PLA2G4A: variants seen among roughly 807,000 people sequenced by gnomAD.
PLA2G4A encodes the protein cytosolic phospholipase A2.
In PLA2G4A, 40 loss-of-function variants were observed where a neutral mutation model predicts 81.9. That is an observed-to-expected ratio of 0.49 (90% CI 0.38 to 0.64). The LOEUF (loss-of-function observed/expected upper bound fraction) is 0.64, where lower values mean the gene tolerates loss of function less well. PLA2G4A is among the 30% of genes least tolerant of loss of function. The probability of loss-of-function intolerance (pLI) is 0.00; values close to 1 mark genes in which losing one functional copy is unlikely to be tolerated. For missense variants in PLA2G4A, 715 were observed against 905.1 expected (o/e 0.79, Z 2.69); for synonymous variants, 302 against 296.9 (o/e 1.02, Z -0.18).
At chr1:186,872,684 T>C (rs1427603560) in intron 3 of PLA2G4A, among the ~76,000 whole-genome samples, 6 of 152,050 alleles carry the variant, frequency 3.9e-5, no homozygotes, top group Middle Eastern at 3.2e-3. Context: ...ACTTTGGCAA[T>C]GGTTATTTAT....
chr1:186,851,002 G>A (rs1372395884), intron 1 of PLA2G4A, among the ~76,000 whole-genome samples: 2 of 151,882 alleles, frequency 1.3e-5, no homozygotes, highest in Non-Finnish European at 2.9e-5. Context: ...TATCTTAAAA[G>A]CAAATCATAT....
chr1:186,942,895 T>C (rs994873685), intron 10 of PLA2G4A, among the ~76,000 whole-genome samples: 6 of 152,166 alleles, frequency 3.9e-5, no homozygotes, highest in Non-Finnish European at 8.8e-5. Context: ...TTGAGCTGTG[T>C]CTTCCAACAG....
At chr1:186,968,400 A>ATGTGTGTGTGTG (rs58475951) in intron 15 of PLA2G4A, among the ~76,000 whole-genome samples, 37,416 of 137,194 alleles carry the variant, frequency 0.27, 5,489 homozygotes, top group Middle Eastern at 0.36. Context: ...CGCGGTGTGT[A>ATGTGTGTGTGTG]TGTGTGTGTG....
At chr1:186,936,113 G>A (rs1655933840) in intron 8 of PLA2G4A, among the ~76,000 whole-genome samples, 1 of 151,878 alleles carries the variant, frequency 6.6e-6, no homozygotes, top group African/African-American at 2.4e-5. Flanking sequence ...GCTATTGGAT[G>A]TTGACTGCCA....
intron 6 of PLA2G4A, among the ~76,000 whole-genome samples, chr1:186,910,667 A>G (rs1216189849): frequency 1.3e-5 from 2 of 152,180 alleles, no homozygotes; most frequent in African/African-American, 4.8e-5. Context: ...TAAAGTATAT[A>G]TAATTTAAGG....
At chr1:186,895,504 T>C (rs1432365099) in intron 5 of PLA2G4A, among the ~76,000 whole-genome samples, 1 of 152,228 alleles carries the variant, frequency 6.6e-6, no homozygotes, top group African/African-American at 2.4e-5. Context: ...GTGCCAGCCA[T>C]TGTGTTTTGT....
At chr1:186,977,034 G>A (rs1019583561) in intron 15 of PLA2G4A, among the ~76,000 whole-genome samples, 3 of 152,120 alleles carry the variant, frequency 2.0e-5, no homozygotes, top group African/African-American at 7.2e-5. Context: ...TCCTCTCTTG[G>A]CCGTTACATG....
At chr1:186,846,927 C>T (rs1396351863) in intron 1 of PLA2G4A, among the ~76,000 whole-genome samples, 1 of 151,866 alleles carries the variant, frequency 6.6e-6, no homozygotes, top group Non-Finnish European at 1.5e-5. Flanking sequence ...TGTCTTAATT[C>T]CAGTAAAATA....
At chr1:186,897,414 A>G (rs1015110279) in intron 5 of PLA2G4A, among the ~76,000 whole-genome samples, 17 of 152,280 alleles carry the variant, frequency 1.1e-4, no homozygotes, top group Admixed American at 6.5e-4. Context: ...CTGTAAAATG[A>G]AGGGTTGGAT....
At chr1:186,938,894 T>C in intron 8 of PLA2G4A, 114 bp from the exon 9 acceptor site, 5 of 717,402 alleles carry the variant, frequency 7.0e-6, no homozygotes, top group Non-Finnish European at 1.3e-5. Context: ...AATCAGATAA[T>C]GAAGTTAACC....
At chr1:186,963,008 T>C (rs905718864) in intron 14 of PLA2G4A, among the ~76,000 whole-genome samples, 2 of 152,154 alleles carry the variant, frequency 1.3e-5, no homozygotes, top group Non-Finnish European at 2.9e-5. Context: ...AGTTTCCTTA[T>C]CTTTAAAATG....
chr1:186,860,682 A>G (rs114532067), intron 2 of PLA2G4A, among the ~76,000 whole-genome samples: 1 of 152,314 alleles, frequency 6.6e-6, no homozygotes, highest in African/African-American at 2.4e-5. Context: ...GTAAACTTCT[A>G]ACTTTTCCTT....
intron 8 of PLA2G4A, among the ~76,000 whole-genome samples, chr1:186,937,339 T>G (rs1272046125): frequency 6.6e-6 from 1 of 151,870 alleles, no homozygotes; most frequent in Non-Finnish European, 1.5e-5. Context: ...TATGAGAAGG[T>G]CCAGAATATC....
chr1:186,926,409 C>T (rs1655548998), intron 7 of PLA2G4A, among the ~76,000 whole-genome samples: 1 of 152,128 alleles, frequency 6.6e-6, no homozygotes. Flanking sequence ...GGTTTCAGCC[C>T]ACACTGTTTT....
At chr1:186,839,007 A>G (rs1460885478) in intron 1 of PLA2G4A, among the ~76,000 whole-genome samples, 2 of 152,208 alleles carry the variant, frequency 1.3e-5, no homozygotes, top group African/African-American at 4.8e-5. Flanking sequence ...TAATCAAAAT[A>G]TCTTTTCAAC....
intron 3 of PLA2G4A, among the ~76,000 whole-genome samples, chr1:186,882,232 C>T (rs903597847): frequency 1.3e-5 from 2 of 152,016 alleles, no homozygotes; most frequent in African/African-American, 4.8e-5. Flanking sequence ...TTAAAGTTGC[C>T]AGTTTCACCC....
chr1:186,949,849 T>C (rs1656491711), intron 12 of PLA2G4A, among the ~76,000 whole-genome samples: 1 of 109,794 alleles, frequency 9.1e-6, no homozygotes, highest in South Asian at 3.6e-4. Flanking sequence ...GAGTGAGACT[T>C]CATTTCTACC....
chr1:186,933,740 T>G (rs973897998), intron 8 of PLA2G4A, among the ~76,000 whole-genome samples: 2 of 152,166 alleles, frequency 1.3e-5, no homozygotes, highest in African/African-American at 4.8e-5. Context: ...CATTTTATCT[T>G]GTGAGATGGG....
chr1:186,920,962 T>C (rs570015883), intron 7 of PLA2G4A, among the ~76,000 whole-genome samples: 1 of 152,228 alleles, frequency 6.6e-6, no homozygotes, highest in Non-Finnish European at 1.5e-5. Flanking sequence ...GTTAATCATG[T>C]GCTGATTTTC....
Sources: allele counts gnomAD v4.1 joint callset (sites outside exome capture counted in the v4.1 genomes callset), GRCh38; gene constraint gnomAD v4.1.1; transcripts MANE v1.5; gene names NCBI Gene and HGNC (gene_info 2026-07-23, HGNC 2026-07-21).